AFF2: variants seen among roughly 807,000 people sequenced by gnomAD.
The protein encoded by AFF2 is AF4/FMR2 family member 2.
In AFF2, 14 loss-of-function variants were observed where a neutral mutation model predicts 76.9. That is an observed-to-expected ratio of 0.18 (90% CI 0.12 to 0.28). The LOEUF (loss-of-function observed/expected upper bound fraction) is 0.28. Ranked by LOEUF, AFF2 falls within the 10% of genes least tolerant of loss-of-function variation. The pLI, the probability that AFF2 is intolerant of heterozygous loss-of-function variation, is 1.00. For synonymous variants in AFF2, 398 were observed against 366.7 expected (o/e 1.09, Z -0.98); for missense variants, 868 against 1,001.1 (o/e 0.87, Z 1.79).
chrX:148,534,975 G>T (rs1270304800), intron 1 of AFF2, among the ~76,000 whole-genome samples: 1 of 111,664 alleles, frequency 9.0e-6, no homozygotes, highest in Admixed American at 9.5e-5. Flanking sequence ...AAAAGGTGTG[G>T]CTTTGTGGTC....
intron 7 of AFF2, among the ~76,000 whole-genome samples, chrX:148,859,938 T>G (rs1022974227): frequency 2.7e-5 from 3 of 111,450 alleles, no homozygotes; most frequent in Non-Finnish European, 3.8e-5. Flanking sequence ...TCATTTACAG[T>G]AGGTATTTCT....
At chrX:148,721,429 A>G (rs2055091669) in intron 3 of AFF2, among the ~76,000 whole-genome samples, 1 of 112,050 alleles carries the variant, frequency 8.9e-6, no homozygotes, top group Non-Finnish European at 1.9e-5. Context: ...ATTGTGAGTC[A>G]CAAATGAAAC....
intron 1 of AFF2, among the ~76,000 whole-genome samples, chrX:148,512,212 C>A (rs1436723170): frequency 2.7e-5 from 3 of 112,313 alleles, no homozygotes; most frequent in Non-Finnish European, 5.6e-5. Flanking sequence ...AACTATATCT[C>A]TTTTGCTACA....
chrX:148,857,670 A>G (rs1046728640), intron 7 of AFF2, among the ~76,000 whole-genome samples: 1 of 110,927 alleles, frequency 9.0e-6, no homozygotes, highest in Non-Finnish European at 1.9e-5. Context: ...TCAGAGAGAG[A>G]TCTTTCTCTG....
intron 7 of AFF2, among the ~76,000 whole-genome samples, chrX:148,862,101 G>A (rs1407482014): frequency 3.6e-5 from 4 of 111,038 alleles, no homozygotes; most frequent in Non-Finnish European, 1.9e-5. Flanking sequence ...AACATTCTTG[G>A]GAGATAATTT....
At chrX:148,700,992 G>A (rs952263830) in intron 3 of AFF2, among the ~76,000 whole-genome samples, 4 of 89,143 alleles carry the variant, frequency 4.5e-5, no homozygotes, top group Non-Finnish European at 6.4e-5. Flanking sequence ...ATGGGAGAGA[G>A]AGAGAGAGAG....
At chrX:148,682,825 T>C (rs1457405095) in intron 3 of AFF2, among the ~76,000 whole-genome samples, 1 of 112,364 alleles carries the variant, frequency 8.9e-6, no homozygotes, top group Non-Finnish European at 1.9e-5. Flanking sequence ...TGGATGTGTT[T>C]TTTTTCTTGT....
At chrX:148,569,607 A>G (rs191862029) in intron 1 of AFF2, among the ~76,000 whole-genome samples, 43 of 111,302 alleles carry the variant, frequency 3.9e-4, no homozygotes, top group African/African-American at 1.3e-3. Flanking sequence ...GAGATTTGCT[A>G]TGTTAGAACC....
chrX:148,693,164 G>C (rs962431730), intron 3 of AFF2, among the ~76,000 whole-genome samples: 1 of 111,250 alleles, frequency 9.0e-6, no homozygotes, highest in Non-Finnish European at 1.9e-5. Context: ...TGATCCACCC[G>C]CCTCGACCTC....
intron 1 of AFF2, among the ~76,000 whole-genome samples, chrX:148,530,971 A>AC (rs1334280691): frequency 6.2e-5 from 7 of 112,061 alleles, no homozygotes; most frequent in Non-Finnish European, 1.1e-4. Context: ...ACAGACATTA[A>AC]CTTTGCCCTG....
intron 3 of AFF2, among the ~76,000 whole-genome samples, chrX:148,685,140 G>T (rs1423761694): frequency 9.0e-6 from 1 of 111,520 alleles, no homozygotes; most frequent in Non-Finnish European, 1.9e-5. Flanking sequence ...AGTCAAATCT[G>T]ATGTGAGCCA....
At chrX:148,655,435 C>T (rs2054242486) in intron 2 of AFF2, among the ~76,000 whole-genome samples, 2 of 110,361 alleles carry the variant, frequency 1.8e-5, no homozygotes, top group South Asian at 7.8e-4. Context: ...ACCACCATGT[C>T]CGACTAATTT....
At chrX:148,661,030 AG>A (rs1400755851) in intron 2 of AFF2, among the ~76,000 whole-genome samples, 1 of 112,351 alleles carries the variant, frequency 8.9e-6, no homozygotes, top group African/African-American at 3.2e-5. Context: ...TACATCCTAC[AG>A]GGGGTGGTGT....
chrX:148,814,932 G>A (rs184387655), intron 4 of AFF2, among the ~76,000 whole-genome samples: 37 of 111,624 alleles, frequency 3.3e-4, no homozygotes, highest in Non-Finnish European at 1.3e-4. Context: ...GCATAATCAA[G>A]CACCTTTCAG....
intron 3 of AFF2, among the ~76,000 whole-genome samples, chrX:148,722,311 G>A (rs918100597): frequency 2.7e-5 from 3 of 111,494 alleles, no homozygotes; most frequent in Non-Finnish European, 5.7e-5. Flanking sequence ...TGAGCATGGT[G>A]GGTAGAGTTG....
chrX:148,843,924 A>T (rs1430184217), intron 7 of AFF2, among the ~76,000 whole-genome samples: 3 of 111,398 alleles, frequency 2.7e-5, no homozygotes, highest in African/African-American at 9.8e-5. Flanking sequence ...GGATTTTAGC[A>T]TATTAATTTT....
At chrX:148,740,962 G>T (rs1223954525) in intron 3 of AFF2, among the ~76,000 whole-genome samples, 1 of 112,097 alleles carries the variant, frequency 8.9e-6, no homozygotes, top group Non-Finnish European at 1.9e-5. Context: ...CTCCAGGCTG[G>T]TACTGGGGAT....
intron 1 of AFF2, among the ~76,000 whole-genome samples, chrX:148,562,958 G>T (rs1374504039): frequency 8.9e-6 from 1 of 111,990 alleles, no homozygotes; most frequent in African/African-American, 3.3e-5. Flanking sequence ...AGTAAAACAG[G>T]TTCCTGTAAT....
chrX:148,547,885 A>G (rs781860833), intron 1 of AFF2, among the ~76,000 whole-genome samples: 6 of 111,652 alleles, frequency 5.4e-5, no homozygotes, highest in Non-Finnish European at 9.4e-5. Flanking sequence ...TTTCCTTTCT[A>G]TTAGTTCTAC....
Sources: gnomAD v4.1 joint callset for allele counts (sites outside exome capture counted in the v4.1 genomes callset) on GRCh38, gnomAD v4.1.1 for gene constraint, MANE v1.5 for transcripts, NCBI Gene and HGNC (gene_info 2026-07-23, HGNC 2026-07-21) for gene names.